PRKN: variants seen among roughly 807,000 people sequenced by gnomAD.
PRKN encodes parkin RBR E3 ubiquitin protein ligase.
Under a neutral mutation model 59.5 loss-of-function variants are expected in PRKN, and 56 were observed. The observed-to-expected ratio is 0.94, with a 90% confidence interval of 0.76 to 1.18. The LOEUF (loss-of-function observed/expected upper bound fraction) is 1.18, where lower values mean the gene tolerates loss of function less well. Ranked by LOEUF, PRKN falls within the 50% of genes most tolerant of loss-of-function variation. The probability of loss-of-function intolerance (pLI) is 0.00; values close to 1 mark genes in which losing one functional copy is unlikely to be tolerated. For synonymous variants in PRKN, 250 were observed against 222.1 expected (o/e 1.13, Z -1.12); for missense variants, 657 against 596.4 (o/e 1.10, Z -1.06).
intron 7 of PRKN, among the ~76,000 whole-genome samples, chr6:161,616,180 T>C (rs1347271816): frequency 1.3e-5 from 2 of 152,198 alleles, no homozygotes; most frequent in East Asian, 3.9e-4. Flanking sequence ...GACACATAGC[T>C]CTGTGTGCTT....
intron 7 of PRKN, among the ~76,000 whole-genome samples, chr6:161,673,046 A>G (rs924879076): frequency 2.6e-5 from 4 of 152,176 alleles, no homozygotes; most frequent in African/African-American, 9.7e-5. Flanking sequence ...GATGAACCAC[A>G]CAGTGAATCC....
intron 5 of PRKN, among the ~76,000 whole-genome samples, chr6:162,001,578 T>C (rs565899005): frequency 1.7e-4 from 26 of 152,130 alleles, no homozygotes; most frequent in African/African-American, 6.0e-4. Flanking sequence ...TCCACATATA[T>C]AATGATGTCA....
intron 6 of PRKN, among the ~76,000 whole-genome samples, chr6:161,937,276 C>T (rs757898261): frequency 4.6e-5 from 7 of 152,190 alleles, no homozygotes; most frequent in Admixed American, 1.3e-4. Flanking sequence ...TTACATTTTT[C>T]ATCTTTTAAT....
At chr6:161,917,813 G>A (rs2128238348) in intron 6 of PRKN, among the ~76,000 whole-genome samples, 1 of 152,328 alleles carries the variant, frequency 6.6e-6, no homozygotes, top group Non-Finnish European at 1.5e-5. Flanking sequence ...TATAGCAGGT[G>A]ATTCATTTCC....
chr6:162,491,928 C>T (rs1156572514), intron 1 of PRKN, among the ~76,000 whole-genome samples: 3 of 152,158 alleles, frequency 2.0e-5, no homozygotes, highest in African/African-American at 7.2e-5. Flanking sequence ...TAACAGATGG[C>T]GGACAGTTTG....
chr6:162,467,516 C>G (rs1244123460), intron 1 of PRKN, among the ~76,000 whole-genome samples: 1 of 152,116 alleles, frequency 6.6e-6, no homozygotes, highest in Non-Finnish European at 1.5e-5. Flanking sequence ...CCCTTTATCC[C>G]TATCATTGAG....
chr6:161,422,464 G>T (rs1788147709), intron 9 of PRKN, among the ~76,000 whole-genome samples: 1 of 152,138 alleles, frequency 6.6e-6, no homozygotes, highest in African/African-American at 2.4e-5. Flanking sequence ...CTCCCAAAGT[G>T]CTGGGATTAC....
chr6:161,996,303 A>G (rs1156761898), intron 5 of PRKN, among the ~76,000 whole-genome samples: 1 of 152,188 alleles, frequency 6.6e-6, no homozygotes, highest in African/African-American at 2.4e-5. Flanking sequence ...CACTGGACAA[A>G]TACCTTTCCA....
At chr6:161,963,250 G>A (rs1780453582) in intron 6 of PRKN, among the ~76,000 whole-genome samples, 1 of 152,196 alleles carries the variant, frequency 6.6e-6, no homozygotes, top group Non-Finnish European at 1.5e-5. Flanking sequence ...TGACCCTAAC[G>A]GATACAAAAT....
At chr6:161,966,153 A>C (rs1245127738) in intron 6 of PRKN, among the ~76,000 whole-genome samples, 1 of 151,986 alleles carries the variant, frequency 6.6e-6, no homozygotes, top group African/African-American at 2.4e-5. Context: ...TGTTATCCCG[A>C]AGTCAGTTTG....
rs572617656 is a variant in PRKN, at chr6:162,331,898, G to A, written c.172-69133C>T. Among the ~76,000 whole-genome samples, 189 of 152,264 alleles carry A rather than the reference G, an allele frequency of 1.2e-3. 1 individual carries two copies. Among genetic ancestry groups the A allele is most frequent in the Non-Finnish European group, 1.5e-3 (99 of 68,016 alleles). On this transcript the variant is annotated intron_variant, in intron 2 of 11. Coordinates refer to ENST00000366898, the MANE Select transcript of PRKN (RefSeq NM_004562.3). ...TTGTAGCTTCCTCCACCATTTTTGA[G>A]AATGCATGTTAACCAATAAAGTCAA...
chr6:162,708,767 C>T (rs1778422557), intron 1 of PRKN, among the ~76,000 whole-genome samples: 1 of 152,156 alleles, frequency 6.6e-6, no homozygotes, highest in African/African-American at 2.4e-5. Context: ...CCTAAAGAGC[C>T]TTGTTGGGAG....
intron 5 of PRKN, among the ~76,000 whole-genome samples, chr6:161,991,433 C>A (rs946136620): frequency 1.3e-5 from 2 of 152,068 alleles, no homozygotes; most frequent in African/African-American, 4.8e-5. Flanking sequence ...GCGAAACAAC[C>A]AGAAACAACT....
Position 161,456,107 on chromosome 6 carries a change from T to C in PRKN, c.1084-69230A>G, listed in dbSNP as rs1789956787. ...AATATTGAGTGTCAACTTGATTGGA[T>C]TGAAGGACGCAAAGTATTGTTCCTG... On this transcript the variant is annotated intron_variant, in intron 9 of 11. Coordinates refer to ENST00000366898, the MANE Select transcript of PRKN (RefSeq NM_004562.3). The surrounding 1 kb of genome is among the most constrained non-coding windows in gnomAD (Gnocchi z 4.8). 6.6e-6 allele frequency among the ~76,000 whole-genome samples: 1 copy of C among 152,244 alleles called. No individual in the cohort carries two copies. Among genetic ancestry groups the C allele is most frequent in the Non-Finnish European group, 1.5e-5 (1 of 68,012 alleles).
intron 4 of PRKN, among the ~76,000 whole-genome samples, chr6:162,193,798 C>G (rs117326499): frequency 6.6e-6 from 1 of 152,242 alleles, no homozygotes; most frequent in East Asian, 1.9e-4. Context: ...CTTTGGTGTC[C>G]TGAGCTCTTC....
intron 3 of PRKN, among the ~76,000 whole-genome samples, chr6:162,202,532 A>C (rs1481177619): frequency 6.6e-6 from 1 of 152,224 alleles, no homozygotes; most frequent in African/African-American, 2.4e-5. Flanking sequence ...TGGAAGATAA[A>C]ATGTAAATAC....
intron 7 of PRKN, among the ~76,000 whole-genome samples, chr6:161,669,992 G>C (rs1459193640): frequency 6.6e-6 from 1 of 152,202 alleles, no homozygotes; most frequent in Non-Finnish European, 1.5e-5. Flanking sequence ...AGAGTCTCTG[G>C]ATCTCAGTCT....
intron 2 of PRKN, among the ~76,000 whole-genome samples, chr6:162,384,611 T>G (rs2128141860): frequency 6.7e-6 from 1 of 150,064 alleles, no homozygotes; most frequent in African/African-American, 2.5e-5. Flanking sequence ...GCTAATAGAC[T>G]TGCTTGATAC....
chr6:162,494,643 G>C (rs1792977943), intron 1 of PRKN, among the ~76,000 whole-genome samples: 1 of 152,128 alleles, frequency 6.6e-6, no homozygotes. Context: ...TCTTAAATGG[G>C]GATTGTAATT....
Sources: gnomAD v4.1 joint callset for allele counts (sites outside exome capture counted in the v4.1 genomes callset) on GRCh38, gnomAD v4.1.1 for gene constraint, Gnocchi (gnomAD v3.1) non-coding constraint, MANE v1.5 for transcripts, NCBI Gene and HGNC (gene_info 2026-07-23, HGNC 2026-07-21) for gene names.